SMAD3: variants seen among roughly 807,000 people sequenced by gnomAD.
SMAD3 encodes SMAD family member 3, also known as MAD homolog 3.
SMAD3 carries 12 observed loss-of-function variants against 51.8 expected under a neutral mutation model. The ratio of observed to expected loss-of-function variants is 0.23; its 90% CI spans 0.15 to 0.38. The LOEUF (loss-of-function observed/expected upper bound fraction) is 0.38, where lower values mean the gene tolerates loss of function less well. Ranked by LOEUF, SMAD3 falls within the 10% of genes least tolerant of loss-of-function variation. SMAD3 has a pLI of 1.00. For missense variants in SMAD3, 294 were observed against 565.6 expected (o/e 0.52, Z 4.87); for synonymous variants, 238 against 227.7 (o/e 1.05, Z -0.41).
chr15:67,142,743 GT>G, intron 1 of SMAD3: 1 of 372,952 alleles, frequency 2.7e-6, no homozygotes, highest in Admixed American at 3.1e-5. Context: ...CTAAGTAACA[GT>G]GGAGATATAT....
chr15:67,183,668 A>G (rs1055112696), intron 6 of SMAD3, among the ~76,000 whole-genome samples: 1 of 152,210 alleles, frequency 6.6e-6, no homozygotes, highest in Non-Finnish European at 1.5e-5. Flanking sequence ...CTTCCCCAGG[A>G]ATGGAGCAGA....
chr15:67,091,996 T>C (rs1014044338), intron 1 of SMAD3, among the ~76,000 whole-genome samples: 4 of 152,180 alleles, frequency 2.6e-5, no homozygotes, highest in Admixed American at 6.5e-5. Flanking sequence ...GAGCCCAGGG[T>C]TGGGGTCACC....
intron 7 of SMAD3, among the ~76,000 whole-genome samples, chr15:67,185,113 G>A (rs1024940474): frequency 4.6e-5 from 7 of 152,204 alleles, no homozygotes; most frequent in African/African-American, 1.4e-4. Context: ...TGCCCTGTGC[G>A]TAGATGCTCA....
intron 1 of SMAD3, among the ~76,000 whole-genome samples, chr15:67,093,149 G>A (rs1960543908): frequency 6.6e-6 from 1 of 152,158 alleles, no homozygotes; most frequent in South Asian, 2.1e-4. Flanking sequence ...AGAGGGGAAG[G>A]AACCCTGGTG....
At chr15:67,165,139 C>T (rs1189389048) in intron 2 of SMAD3, 51 bp downstream of exon 2, 8 of 1,609,488 alleles carry the variant, frequency 5.0e-6, no homozygotes, top group South Asian at 4.4e-5. Context: ...GGGTCATCAC[C>T]TCTCCCCGGC....
intron 6 of SMAD3, 121 bp downstream of exon 6, chr15:67,181,574 C>G: frequency 2.4e-6 from 2 of 835,220 alleles, no homozygotes; most frequent in Non-Finnish European, 3.9e-6. Context: ...TAGCTGTGCT[C>G]TGCCTCCTGC....
chr15:67,125,807 C>T (rs2140247429), intron 1 of SMAD3: 3 of 985,420 alleles, frequency 3.0e-6, no homozygotes, highest in Admixed American at 6.1e-5. Flanking sequence ...TGGGCTGAAG[C>T]GCACTGACCA....
intron 1 of SMAD3, among the ~76,000 whole-genome samples, chr15:67,161,155 G>GTTGTTACATCACCAT (rs1962420674): frequency 6.6e-6 from 1 of 152,106 alleles, no homozygotes. Flanking sequence ...TACATATCCA[G>GTTGTTACATCACCAT]TTGTTACATC....
At chr15:67,128,751 T>TA (rs1324991592) in intron 1 of SMAD3, among the ~76,000 whole-genome samples, 1 of 152,008 alleles carries the variant, frequency 6.6e-6, no homozygotes, top group Non-Finnish European at 1.5e-5. Context: ...TTTAAATATA[T>TA]TTTTTAGTAG....
intron 1 of SMAD3, among the ~76,000 whole-genome samples, chr15:67,095,279 G>T (rs1960592116): frequency 6.6e-6 from 1 of 152,200 alleles, no homozygotes; most frequent in East Asian, 1.9e-4. Flanking sequence ...ATTAAACCCA[G>T]ATCCTTTTTG....
intron 1 of SMAD3, among the ~76,000 whole-genome samples, chr15:67,101,355 T>C (rs565690475): frequency 6.6e-6 from 1 of 152,356 alleles, no homozygotes; most frequent in South Asian, 2.1e-4. Context: ...TAAATGAAAC[T>C]GTAGCTTATA....
chr15:67,084,431 T>G (rs1426565101), intron 1 of SMAD3, among the ~76,000 whole-genome samples: 3 of 152,154 alleles, frequency 2.0e-5, no homozygotes, highest in African/African-American at 4.8e-5. Flanking sequence ...CTTCTTGCCT[T>G]TGGCTGTTTT....
chr15:67,191,034 A>AGCCCC lies in SMAD3; in HGVS notation c.*514_*518dup, dbSNP rs987105992. The AGCCCC allele has an allele frequency of 3.4e-4, 70 of 206,072 alleles. No homozygotes were observed. The highest frequency in any genetic ancestry group is 1.4e-3 in the African/African-American group (59 of 41,754). 12.8% of individuals were successfully genotyped at this position (206,072 alleles called of 1,614,324 possible). On this transcript the variant is annotated 3_prime_UTR_variant, in exon 9 of 9. Coordinates refer to ENST00000327367, the MANE Select transcript of SMAD3 (RefSeq NM_005902.4). Reference sequence around the variant, plus strand: ...CTCTTCCAGTGAACATTCCCAGCCCAGCCCCGCCCCGCCCCGCCCCACCAC... The same window carrying AGCCCC: ...CTCTTCCAGTGAACATTCCCAGCCCAGCCCCGCCCCGCCCCGCCCCGCCCCACCAC...
intron 6 of SMAD3, 99 bp downstream of exon 6, chr15:67,181,552 T>C: frequency 9.9e-7 from 1 of 1,014,828 alleles, no homozygotes; most frequent in Non-Finnish European, 1.5e-6. Context: ...AAGGGAACCT[T>C]GCGTCCATCC....
intron 1 of SMAD3, among the ~76,000 whole-genome samples, chr15:67,112,524 T>G (rs1208203805): frequency 7.5e-6 from 1 of 133,712 alleles, no homozygotes; most frequent in Non-Finnish European, 1.5e-5. Context: ...ATATTCTGGA[T>G]ATAAATTCCT....
intron 1 of SMAD3, among the ~76,000 whole-genome samples, chr15:67,082,487 C>G (rs1203507083): frequency 6.6e-6 from 1 of 152,252 alleles, no homozygotes; most frequent in African/African-American, 2.4e-5. Context: ...TCACTGTGTT[C>G]TAGCTTCAAA....
At chr15:67,187,747 G>A (rs752655987) in intron 8 of SMAD3, among the ~76,000 whole-genome samples, 1 of 152,198 alleles carries the variant, frequency 6.6e-6, no homozygotes, top group African/African-American at 2.4e-5. Context: ...GTAAACACAC[G>A]CTCCATCTTA....
In SMAD3 at chr15:67,192,510, T is replaced by TCA. The variant is rs1291902520; in HGVS notation, c.*1975_*1976dup. The TCA allele has an allele frequency of 1.7e-5, 4 of 233,336 alleles. No individual in the cohort carries two copies. Among genetic ancestry groups the TCA allele is most frequent in the Non-Finnish European group, 3.4e-5 (4 of 118,070 alleles). The allele number at this position is 233,336 out of a possible 1,614,324, so 14.5% of individuals were successfully genotyped here. A position where few individuals can be genotyped will look rare whatever the true frequency, so the allele number is the denominator to read the frequency against. ...CCCCCTGAACCTCCTGTACATGTGTTCATGTTCCCAGCCAGCTCTGAGACC... is the reference window on the plus strand; with the variant it reads ...CCCCCTGAACCTCCTGTACATGTGTTCACATGTTCCCAGCCAGCTCTGAGACC... On this transcript the variant is annotated 3_prime_UTR_variant, in exon 9 of 9. Coordinates refer to ENST00000327367, the MANE Select transcript of SMAD3 (RefSeq NM_005902.4).
intron 5 of SMAD3, among the ~76,000 whole-genome samples, chr15:67,175,399 A>G (rs1962863446): frequency 6.6e-6 from 1 of 152,106 alleles, no homozygotes; most frequent in Non-Finnish European, 1.5e-5. Flanking sequence ...CTTCAGACTG[A>G]AAGGTGGTCG....
Sources: gnomAD v4.1 joint callset for allele counts (sites outside exome capture counted in the v4.1 genomes callset) on GRCh38, gnomAD v4.1.1 for gene constraint, MANE v1.5 for transcripts, NCBI Gene and HGNC (gene_info 2026-07-23, HGNC 2026-07-21) for gene names.